Variants in PDK1 observed in about 807,000 individuals in gnomAD.
The protein encoded by PDK1 is [Pyruvate dehydrogenase (acetyl-transferring)] kinase isozyme 1, mitochondrial.
A neutral mutation model predicts 54.2 loss-of-function variants in PDK1; 39 were observed. The ratio of observed to expected loss-of-function variants is 0.72; its 90% confidence interval spans 0.56 to 0.94. The LOEUF (loss-of-function observed/expected upper bound fraction) is 0.94. PDK1 is among the 40% of genes least tolerant of loss of function. The probability of loss-of-function intolerance (pLI) is 0.00; values close to 1 mark genes in which losing one functional copy is unlikely to be tolerated. For missense variants in PDK1, 552 were observed against 566.0 expected, an observed-to-expected ratio of 0.98 and a Z score of 0.25; for synonymous variants, 221 against 207.1, an observed-to-expected ratio of 1.07 and a Z score of -0.58.
chr2:172,558,646 C>T, intron 1 of PDK1, 62 bp from the exon 2 acceptor site: 4 of 1,423,060 alleles, frequency 2.8e-6, no homozygotes, highest in Non-Finnish European at 3.8e-6. Context: ...TTCTCTCAGC[C>T]TCTTGCCTTC....
the PDK1 span, among the ~76,000 whole-genome samples, chr2:172,680,539 A>AT: frequency 3.3e-5 from 5 of 151,804 alleles, no homozygotes; most frequent in Non-Finnish European, 5.9e-5. Flanking sequence ...TTATTTATTT[A>AT]TTTTTTGTGG....
chr2:172,682,236 G>A, the PDK1 span, among the ~76,000 whole-genome samples: 1 of 152,234 alleles, frequency 6.6e-6, no homozygotes, highest in Admixed American at 6.5e-5. Flanking sequence ...CAACAAGGAG[G>A]CTGTGTGGCT....
chr2:172,668,278 A>ATT, the PDK1 span, among the ~76,000 whole-genome samples: 7 of 141,510 alleles, frequency 4.9e-5, no homozygotes, highest in African/African-American at 1.3e-4. Flanking sequence ...TTCTTTCTTT[A>ATT]TTTTTTTTTT....
chr2:172,610,356 C>T (rs934359738), downstream of PDK1, among the ~76,000 whole-genome samples: 1 of 152,104 alleles, frequency 6.6e-6, no homozygotes, highest in Non-Finnish European at 1.5e-5. Context: ...CCTACGATGC[C>T]TCTCAGAGCT....
chr2:172,713,154 G>T, the PDK1 span, among the ~76,000 whole-genome samples: 1 of 152,220 alleles, frequency 6.6e-6, no homozygotes, highest in Non-Finnish European at 1.5e-5. Flanking sequence ...GCTCTCACTG[G>T]AGAGGAGACT....
the PDK1 span, among the ~76,000 whole-genome samples, chr2:172,648,452 T>A: frequency 6.6e-6 from 1 of 152,160 alleles, no homozygotes; most frequent in African/African-American, 2.4e-5. Flanking sequence ...GACGAGTGAT[T>A]TCTGCATTTC....
At chr2:172,723,792 G>A in the PDK1 span, 2 of 152,188 alleles carry the variant, frequency 1.3e-5, no homozygotes, top group Non-Finnish European at 2.9e-5. Flanking sequence ...GTAGTACTTA[G>A]AGCATGGTAT....
chr2:172,669,793 C>T, the PDK1 span, among the ~76,000 whole-genome samples: 2 of 152,192 alleles, frequency 1.3e-5, no homozygotes, highest in African/African-American at 2.4e-5. Context: ...TGGCCATTTG[C>T]ACGTCTTCTT....
At chr2:172,634,843 AAACTT>A in the PDK1 span, among the ~76,000 whole-genome samples, 1 of 152,004 alleles carries the variant, frequency 6.6e-6, no homozygotes, top group Non-Finnish European at 1.5e-5. Context: ...AACTCTAAGG[AAACTT>A]TACCCTTTTT....
At chr2:172,678,925 G>A in the PDK1 span, 8 of 152,378 alleles carry the variant, frequency 5.3e-5, no homozygotes, top group Admixed American at 1.3e-4. Context: ...CGCAGGCAAA[G>A]TGAAGCAGGG....
In PDK1 at chr2:172,595,903, C is replaced by T. The variant is rs1690864285; in HGVS notation, c.1245C>T (p.His415=). The change falls in exon 11 of 11, where the codon CAC becomes CAT. Residue 415 remains histidine (H), a synonymous_variant. Transcript: ENST00000282077. The part of the protein sequence containing the change: ...KAAWKHYNTN[H]EADDWCVPSR... ...CCTGGAAGCATTACAACACCAACCA[C>T]GAGGCTGATGACTGGTGCGTCCCCA... The T allele has an allele frequency of 4.3e-6, 7 of 1,613,706 alleles. No homozygotes were observed. Among genetic ancestry groups the T allele is most frequent in the East Asian group, 2.2e-5 (1 of 44,894 alleles).
At chr2:172,665,205 G>T in the PDK1 span, among the ~76,000 whole-genome samples, 1 of 147,528 alleles carries the variant, frequency 6.8e-6, no homozygotes, top group Non-Finnish European at 1.5e-5. Context: ...CAGAACTTTT[G>T]GGTTTCAATG....
intron 8 of PDK1, among the ~76,000 whole-genome samples, chr2:172,575,326 C>T (rs1689519834): frequency 6.6e-6 from 1 of 152,034 alleles, no homozygotes; most frequent in Non-Finnish European, 1.5e-5. Context: ...ATGACACTGG[C>T]CTTATAGAAT....
the PDK1 span, among the ~76,000 whole-genome samples, chr2:172,652,668 A>G: frequency 1.3e-5 from 2 of 152,232 alleles, no homozygotes; most frequent in Non-Finnish European, 2.9e-5. Context: ...ATTCCTATAC[A>G]CCAATAACAG....
Position 172,600,379 on chromosome 2 carries a change from G to GA in PDK1, c.*4415dup. ...TAACTATAAAATAGGATGGGACAGA[G>GA]AAAAATATGTCTGTATTACAGCATA... is the stretch of plus-strand genomic sequence containing the variant. On this transcript the variant is annotated 3_prime_UTR_variant, in exon 11 of 11. Coordinates refer to ENST00000282077, the MANE Select transcript of PDK1 (RefSeq NM_002610.5). 6.6e-6 allele frequency: 1 copy of GA among 152,322 alleles called. No homozygotes were observed. Among genetic ancestry groups the GA allele is most frequent in the South Asian group, 2.1e-4 (1 of 4,826 alleles). 9.4% of individuals were successfully genotyped at this position (152,322 alleles called of 1,614,324 possible).
At chr2:172,654,588 C>T in the PDK1 span, among the ~76,000 whole-genome samples, 1 of 147,630 alleles carries the variant, frequency 6.8e-6, no homozygotes, top group African/African-American at 2.5e-5. Context: ...GGGTGGGGAA[C>T]ATCACACACC....
the PDK1 span, among the ~76,000 whole-genome samples, chr2:172,699,584 G>C: frequency 2.0e-5 from 3 of 150,890 alleles, no homozygotes; most frequent in Admixed American, 6.6e-5. Context: ...AGGTAATTGC[G>C]ACCGATTTTC....
At chr2:172,702,476 A>T in the PDK1 span, among the ~76,000 whole-genome samples, 1 of 89,582 alleles carries the variant, frequency 1.1e-5, no homozygotes. Context: ...GACTTTGTTT[A>T]AAAAAAAAAA....
In PDK1 at chr2:172,595,829, G is replaced by C. The variant is rs1347370972; in HGVS notation, c.1171G>C (p.Ala391Pro). Residue 391 changes from alanine (A) to proline (P), a missense_variant and splice_region_variant, in exon 11 of 11, where the codon GCT (alanine) becomes CCT (proline). Transcript: ENST00000282077. ...YGTDAVIYIK[A>P]LSTDSIERLP... ...TAGGTCTTAGGTTTTTCTTTTTCAG[G>C]CTCTGTCAACAGACTCAATAGAAAG... is the stretch of plus-strand genomic sequence containing the variant. 1 of 1,611,504 alleles carries C rather than the reference G, an allele frequency of 6.2e-7. No individual in the cohort carries two copies. Among genetic ancestry groups the C allele is most frequent in the South Asian group, 1.1e-5 (1 of 90,808 alleles).
Sources: allele counts gnomAD v4.1 joint callset (sites outside exome capture counted in the v4.1 genomes callset), GRCh38; gene constraint gnomAD v4.1.1; transcripts MANE v1.5; gene names NCBI Gene and HGNC (gene_info 2026-07-23, HGNC 2026-07-21).